The following WDTC1 variants were observed in gnomAD, a reference collection of about 807,000 sequenced individuals.
WDTC1 encodes the protein WD and tetratricopeptide repeats 1.
WDTC1 carries 12 observed loss-of-function variants against 76.0 expected under a neutral mutation model. The ratio of observed to expected loss-of-function variants is 0.16; its 90% CI spans 0.10 to 0.26. The LOEUF is 0.26. Ranked by LOEUF, WDTC1 falls within the 10% of genes least tolerant of loss-of-function variation. WDTC1 has a pLI of 1.00. For synonymous variants in WDTC1, 326 were observed against 350.8 expected (o/e 0.93, Z 0.79); for missense variants, 511 against 908.8 (o/e 0.56, Z 5.63).
At chr1:27,252,289 G>A (rs2012096268) in intron 1 of WDTC1, among the ~76,000 whole-genome samples, 2 of 152,004 alleles carry the variant, frequency 1.3e-5, no homozygotes, top group African/African-American at 4.8e-5. Context: ...CTAGGCTAGA[G>A]TGCAGTGATG....
chr1:27,264,772 A>G (rs115276937), intron 3 of WDTC1, among the ~76,000 whole-genome samples: 7,940 of 151,574 alleles, frequency 0.052, 263 homozygotes, highest in Middle Eastern at 0.069. Context: ...TCAGGCGTGA[A>G]CCACCTCACC....
chr1:27,305,231 C>T lies in WDTC1; in HGVS notation c.1836+38C>T. On this transcript the variant is annotated intron_variant, in intron 15 of 15. Transcript: ENST00000319394. The surrounding 1 kb of genome is among the most constrained non-coding windows in gnomAD (Gnocchi z 4.6). ...AGCCAAGCAGAGAGGAGGGCAGGGA[C>T]TCTGTGGAAGGCTCCAGTGGAGCCT... 6.3e-7 allele frequency: 1 copy of T among 1,599,452 alleles called. No homozygotes were observed. Among genetic ancestry groups the T allele is most frequent in the Non-Finnish European group, 8.5e-7 (1 of 1,173,408 alleles).
chr1:27,304,721 C>G (rs527955900), intron 14 of WDTC1: 6 of 306,942 alleles, frequency 2.0e-5, no homozygotes, highest in Non-Finnish European at 3.0e-5. Flanking sequence ...TTTGGAGACC[C>G]GAGAGATGAT....
intron 2 of WDTC1, among the ~76,000 whole-genome samples, chr1:27,262,508 C>G (rs931973046): frequency 2.0e-5 from 3 of 152,156 alleles, no homozygotes; most frequent in Non-Finnish European, 4.4e-5. Flanking sequence ...CCTGCCTCAG[C>G]CTCCCGAGTA....
At position 27,296,367 on chromosome 1, in the gene WDTC1, C is replaced by T. The variant is rs2013683926; in HGVS notation, c.915C>T (p.Thr305=). The change falls in exon 10 of 16, where the codon ACC becomes ACT. Residue 305 remains threonine (T), a synonymous_variant. Coordinates refer to ENST00000319394, the MANE Select transcript of WDTC1 (RefSeq NM_001276252.2). ...FDLTYKQRPY[T]FLLPRKCHSS... Reference sequence around the variant, plus strand: ...TGACTTACAAGCAGCGGCCGTACACCTTCCTCTTGCCTAGAAAATGCCACT... The same window carrying T: ...TGACTTACAAGCAGCGGCCGTACACTTTCCTCTTGCCTAGAAAATGCCACT... The T allele has an allele frequency of 1.9e-6, 3 of 1,613,988 alleles. No individual in the cohort carries two copies. Among genetic ancestry groups the T allele is most frequent in the Non-Finnish European group, 2.5e-6 (3 of 1,180,026 alleles).
chr1:27,289,465 A>G (rs1260179198), intron 6 of WDTC1, among the ~76,000 whole-genome samples: 2 of 139,594 alleles, frequency 1.4e-5, no homozygotes, highest in African/African-American at 2.7e-5. Flanking sequence ...CCTAGATGGG[A>G]TGGCGGCCGG....
At position 27,292,416 on chromosome 1, in the gene WDTC1, C is replaced by T; in HGVS notation, c.662+19C>T. 6.6e-7 allele frequency: 1 copy of T among 1,519,730 alleles called. No homozygotes were observed. Among genetic ancestry groups the T allele is most frequent in the Non-Finnish European group, 8.9e-7 (1 of 1,126,826 alleles). 94.1% of individuals were successfully genotyped at this position (1,519,730 alleles called of 1,614,324 possible). Reference sequence around the variant, plus strand: ...ACCACAGGTATGAATAGTTCAGCCTCCTGTCTCCTGTGAGTAAGTCCCCAG... The same window carrying T: ...ACCACAGGTATGAATAGTTCAGCCTTCTGTCTCCTGTGAGTAAGTCCCCAG... On this transcript the variant is annotated intron_variant, in intron 7 of 15. Transcript: ENST00000319394.
At chr1:27,235,917 G>A (rs1223755999) in intron 1 of WDTC1, among the ~76,000 whole-genome samples, 1 of 152,110 alleles carries the variant, frequency 6.6e-6, no homozygotes, top group African/African-American at 2.4e-5. Context: ...TTCATTCCAA[G>A]GATGGGGTAG....
intron 11 of WDTC1, 41 bp downstream of exon 11, chr1:27,297,197 A>G: frequency 6.6e-7 from 1 of 1,516,754 alleles, no homozygotes; most frequent in East Asian, 2.4e-5. Context: ...AGCCCCAGTT[A>G]CACTATATGG....
intron 3 of WDTC1, among the ~76,000 whole-genome samples, chr1:27,271,313 C>T (rs1263147959): frequency 1.3e-5 from 2 of 151,868 alleles, no homozygotes; most frequent in African/African-American, 2.4e-5. Context: ...CTCCTGGGTT[C>T]AAGCAATTCA....
intron 1 of WDTC1, among the ~76,000 whole-genome samples, chr1:27,251,416 T>G (rs1312742563): frequency 1.3e-5 from 2 of 152,126 alleles, no homozygotes; most frequent in African/African-American, 4.8e-5. Flanking sequence ...CTTCTGTGCC[T>G]TAAGTATTTT....
chr1:27,286,754 G>A (rs554553179), intron 5 of WDTC1, among the ~76,000 whole-genome samples: 4 of 151,922 alleles, frequency 2.6e-5, no homozygotes, highest in East Asian at 1.9e-4. Flanking sequence ...GAGCCACCAC[G>A]CCTGGCCTGG....
At position 27,264,483 on chromosome 1, in the gene WDTC1, C is replaced by T. The variant is rs192305508; in HGVS notation, c.132+1248C>T. Among the ~76,000 whole-genome samples the T allele has an allele frequency of 7.6e-4, 116 of 151,850 alleles. No homozygotes were observed. The Middle Eastern group carries it at 0.01, about 13-fold the overall frequency. ...AAAAAACCAAAACCAAAAACCAGAA[C>T]GCTTGTTCAAGTTTGTCCTGTCCTG... is the stretch of plus-strand genomic sequence containing the variant. On this transcript the variant is annotated intron_variant, in intron 3 of 15. Transcript: ENST00000319394.
chr1:27,242,299 C>T (rs2147901019), intron 1 of WDTC1, among the ~76,000 whole-genome samples: 1 of 152,066 alleles, frequency 6.6e-6, no homozygotes, highest in East Asian at 1.9e-4. Context: ...ACCCCCATCT[C>T]TACAAAAAAT....
At chr1:27,292,641 C>A (rs2013566644) in intron 7 of WDTC1, among the ~76,000 whole-genome samples, 2 of 151,942 alleles carry the variant, frequency 1.3e-5, no homozygotes, top group South Asian at 4.2e-4. Flanking sequence ...GTTGCCCAGG[C>A]TGGTCTCAAA....
Position 27,303,060 on chromosome 1 carries a change from G to C in WDTC1, c.1469-561G>C, listed in dbSNP as rs2013869798. Among the ~76,000 whole-genome samples the C allele has an allele frequency of 6.6e-6, 1 of 152,114 alleles. No homozygotes were observed. The highest frequency in any genetic ancestry group is 2.4e-5 in the African/African-American group (1 of 41,408). On this transcript the variant is annotated intron_variant, in intron 13 of 15. Transcript: ENST00000319394. This position sits in a 1 kb window ranked among gnomAD's most constrained non-coding sequence, Gnocchi z 4.8. ...GGCCAAGGCAGGTGGATCACCTGAG[G>C]TCAGGAGTTTGAGACCAGCCTGGCC...
At chr1:27,282,605 C>T (rs987126608) in intron 4 of WDTC1, among the ~76,000 whole-genome samples, 26 of 151,990 alleles carry the variant, frequency 1.7e-4, no homozygotes, top group Admixed American at 2.0e-4. Flanking sequence ...CAGGTTCAAG[C>T]GGTTCTCCTT....
chr1:27,247,701 A>G (rs1457937577), intron 1 of WDTC1, among the ~76,000 whole-genome samples: 1 of 147,754 alleles, frequency 6.8e-6, no homozygotes, highest in Non-Finnish European at 1.5e-5. Context: ...TACATGTACC[A>G]CATTTTCTTT....
At chr1:27,267,923 C>T (rs751130599) in intron 3 of WDTC1, among the ~76,000 whole-genome samples, 12 of 152,098 alleles carry the variant, frequency 7.9e-5, no homozygotes, top group Non-Finnish European at 1.5e-4. Context: ...TTCCTTATGA[C>T]ATCATTTGGC....
Sources: allele counts gnomAD v4.1 joint callset (sites outside exome capture counted in the v4.1 genomes callset), GRCh38; gene constraint gnomAD v4.1.1; non-coding constraint Gnocchi (gnomAD v3.1); transcripts MANE v1.5; gene names NCBI Gene and HGNC (gene_info 2026-07-23, HGNC 2026-07-21).